The following MAP2K6 variants were observed in gnomAD, a reference collection of about 807,000 sequenced individuals.
MAP2K6 encodes mitogen-activated protein kinase kinase 6.
MAP2K6 carries 16 observed loss-of-function variants against 53.7 expected under a neutral mutation model. The observed-to-expected ratio is 0.30, with a 90% CI of 0.20 to 0.45. The LOEUF is 0.45. MAP2K6 is among the 20% of genes least tolerant of loss of function. The probability of loss-of-function intolerance (pLI) is 1.00; values close to 1 mark genes in which losing one functional copy is unlikely to be tolerated. For missense variants in MAP2K6, 204 were observed against 411.9 expected, an observed-to-expected ratio of 0.50 and a Z score of 4.37; for synonymous variants, 132 against 143.1, an observed-to-expected ratio of 0.92 and a Z score of 0.55.
At chr17:69,417,745 G>A (rs1598250561) in intron 1 of MAP2K6, among the ~76,000 whole-genome samples, 2 of 152,144 alleles carry the variant, frequency 1.3e-5, no homozygotes, top group East Asian at 1.9e-4. Flanking sequence ...TACACTACCC[G>A]GGAGAGAAAA....
At chr17:69,504,746 A>G (rs1388750845) in intron 1 of MAP2K6, among the ~76,000 whole-genome samples, 1 of 152,180 alleles carries the variant, frequency 6.6e-6, no homozygotes, top group Non-Finnish European at 1.5e-5. Flanking sequence ...CATCAACAAA[A>G]GTATTCGAGC....
intron 1 of MAP2K6, among the ~76,000 whole-genome samples, chr17:69,497,690 C>T (rs71375729): frequency 2.6e-5 from 4 of 152,152 alleles, no homozygotes; most frequent in Non-Finnish European, 5.9e-5. Context: ...TTCAGTTTGT[C>T]CAGAGTAGAA....
chr17:69,455,851 G>GTTTT (rs11317793), intron 1 of MAP2K6, among the ~76,000 whole-genome samples: 2 of 95,378 alleles, frequency 2.1e-5, no homozygotes, highest in East Asian at 3.6e-4. Flanking sequence ...TGGACTTTCA[G>GTTTT]TTTTTTTTTT....
intron 1 of MAP2K6, among the ~76,000 whole-genome samples, chr17:69,463,335 T>A (rs1388625222): frequency 6.7e-6 from 1 of 150,096 alleles, no homozygotes; most frequent in Non-Finnish European, 1.5e-5. Context: ...TAATAGTGAA[T>A]ATATGTATAT....
intron 1 of MAP2K6, among the ~76,000 whole-genome samples, chr17:69,465,640 A>G (rs1907772163): frequency 6.6e-6 from 1 of 150,676 alleles, no homozygotes; most frequent in South Asian, 2.1e-4. Flanking sequence ...TTTTTTTGAA[A>G]CAAAGTTTCG....
At chr17:69,518,169 A>T (rs1910271487) in intron 4 of MAP2K6, among the ~76,000 whole-genome samples, 1 of 151,766 alleles carries the variant, frequency 6.6e-6, no homozygotes, top group South Asian at 2.1e-4. Context: ...CGGCCTGGAC[A>T]ACAGAGTGAG....
chr17:69,438,703 C>A (rs1388916352), intron 1 of MAP2K6, among the ~76,000 whole-genome samples: 3 of 152,116 alleles, frequency 2.0e-5, no homozygotes, highest in Non-Finnish European at 4.4e-5. Context: ...CCTCAGCCTC[C>A]CAAGTAGCTG....
At chr17:69,418,730 G>A (rs1038653648) in intron 1 of MAP2K6, among the ~76,000 whole-genome samples, 10 of 151,800 alleles carry the variant, frequency 6.6e-5, no homozygotes, top group African/African-American at 1.7e-4. Context: ...GAATATTTCC[G>A]TGATGATCAT....
rs1265779978 is a variant in MAP2K6 at position 69,512,336 on chromosome 17, TTTG to T, written c.84-4516_84-4514del. ...TCATTGTCTTTCTAAGTGTTTTTTT[TTTG>T]TTTTTTTTTTTTTTTTTTGAGACAG... On this transcript the variant is annotated intron_variant, in intron 2 of 11. Transcript: ENST00000590474. Among the ~76,000 whole-genome samples, 213 of 73,656 alleles carry T rather than the reference TTTG, an allele frequency of 2.9e-3. 46 individuals carry two copies. The highest frequency in any genetic ancestry group is 4.6e-3 in the Non-Finnish European group (159 of 34,938). The allele number at this position is 73,656 out of a possible 152,430, so 48.3% of individuals were successfully genotyped here.
chr17:69,532,038 C>G (rs1199294347), intron 10 of MAP2K6, among the ~76,000 whole-genome samples: 1 of 152,184 alleles, frequency 6.6e-6, no homozygotes, highest in Admixed American at 6.5e-5. Flanking sequence ...CTGGACTTCC[C>G]TTTGGCTTTT....
At chr17:69,462,564 T>C (rs1297871897) in intron 1 of MAP2K6, among the ~76,000 whole-genome samples, 2 of 152,148 alleles carry the variant, frequency 1.3e-5, no homozygotes, top group African/African-American at 4.8e-5. Context: ...AGAACTACGG[T>C]TTCTTTTTCA....
intron 7 of MAP2K6, among the ~76,000 whole-genome samples, chr17:69,523,215 T>C (rs1910576069): frequency 6.6e-6 from 1 of 152,232 alleles, no homozygotes; most frequent in South Asian, 2.1e-4. Flanking sequence ...GTAATAATTT[T>C]TTAGGCTCTT....
intron 10 of MAP2K6, among the ~76,000 whole-genome samples, chr17:69,529,526 T>C (rs1268498926): frequency 1.0e-5 from 1 of 99,478 alleles, no homozygotes; most frequent in Non-Finnish European, 2.1e-5. Flanking sequence ...TTTTTTTTTT[T>C]TGGAGACGGA....
intron 1 of MAP2K6, among the ~76,000 whole-genome samples, chr17:69,448,955 A>G (rs1907077360): frequency 6.6e-6 from 1 of 152,234 alleles, no homozygotes; most frequent in South Asian, 2.1e-4. Context: ...GTGATCAGCC[A>G]TGTGTGGCGT....
chr17:69,439,941 T>A (rs1321520668), intron 1 of MAP2K6, among the ~76,000 whole-genome samples: 1 of 152,218 alleles, frequency 6.6e-6, no homozygotes, highest in African/African-American at 2.4e-5. Flanking sequence ...TTTACGAAGT[T>A]GCTACTATTA....
intron 1 of MAP2K6, among the ~76,000 whole-genome samples, chr17:69,461,129 A>G (rs1907610931): frequency 6.6e-6 from 1 of 152,210 alleles, no homozygotes; most frequent in Non-Finnish European, 1.5e-5. Context: ...ATATAGTAAA[A>G]GATGTGAGTG....
chr17:69,417,585 G>C (rs1423100297), intron 1 of MAP2K6, among the ~76,000 whole-genome samples: 26 of 152,180 alleles, frequency 1.7e-4, no homozygotes. Context: ...TATATTAGCT[G>C]TCTGGGGTTG....
intron 1 of MAP2K6, among the ~76,000 whole-genome samples, chr17:69,498,650 CCACACACACACACACACACA>C (rs3222089): frequency 6.9e-6 from 1 of 145,420 alleles, no homozygotes; most frequent in Non-Finnish European, 1.5e-5. Context: ...CACCTGGAAG[CCACACACACACACACACACA>C]CACACACACA....
chr17:69,520,324 A>C lies in MAP2K6; in HGVS notation c.421A>C (p.Lys141Gln). The C allele has an allele frequency of 6.2e-7, 1 of 1,613,170 alleles. No individual in the cohort carries two copies. Among genetic ancestry groups the C allele is most frequent in the East Asian group, 2.2e-5 (1 of 44,862 alleles). ...GGATACATCACTAGATAAATTCTACAAACAAGTTATTGATAAAGGCCAGAC... is the reference window on the plus strand; with the variant it reads ...GGATACATCACTAGATAAATTCTACCAACAAGTTATTGATAAAGGCCAGAC... ...LMDTSLDKFY[K>Q]QVIDKGQTIP... Residue 141 changes from lysine (K) to glutamine (Q), a missense_variant, in exon 6 of 12, where the codon AAA (lysine) becomes CAA (glutamine). By Grantham distance (53) the Lys-to-Gln change is moderately conservative. Around this residue, in one of 3 missense-constraint regions of MAP2K6, gnomAD observed 129 missense variants for 247.1 expected, o/e 0.52. Coordinates refer to ENST00000590474, the MANE Select transcript of MAP2K6 (RefSeq NM_002758.4).
Sources: gnomAD v4.1 joint callset for allele counts (sites outside exome capture counted in the v4.1 genomes callset) on GRCh38, gnomAD v4.1.1 for gene constraint, gnomAD v4.1.1 regional missense constraint, MANE v1.5 for transcripts, NCBI Gene and HGNC (gene_info 2026-07-23, HGNC 2026-07-21) for gene names.